The following HAPLN1 variants were observed in gnomAD, a reference collection of about 807,000 sequenced individuals.
HAPLN1 encodes hyaluronan and proteoglycan link protein 1.
HAPLN1 carries 13 observed loss-of-function variants against 36.5 expected under a neutral mutation model. The observed-to-expected ratio is 0.36, with a 90% confidence interval of 0.23 to 0.57. The LOEUF (loss-of-function observed/expected upper bound fraction) is 0.57. Ranked by LOEUF, HAPLN1 falls within the 20% of genes least tolerant of loss-of-function variation. The probability of loss-of-function intolerance (pLI) is 0.83; values close to 1 mark genes in which losing one functional copy is unlikely to be tolerated. For missense variants in HAPLN1, 407 were observed against 439.7 expected (o/e 0.93, Z 0.66); for synonymous variants, 202 against 169.8 (o/e 1.19, Z -1.48).
At chr5:83,700,539 G>A (rs904003615) in intron 1 of HAPLN1, among the ~76,000 whole-genome samples, 4 of 151,888 alleles carry the variant, frequency 2.6e-5, no homozygotes, top group Non-Finnish European at 5.9e-5. Flanking sequence ...AGAAAAAATT[G>A]CCAAGAATAC....
chr5:83,642,627 T>C (rs895814833), intron 4 of HAPLN1, among the ~76,000 whole-genome samples: 1 of 152,182 alleles, frequency 6.6e-6, no homozygotes, highest in Non-Finnish European at 1.5e-5. Flanking sequence ...CATCTTAGTT[T>C]TAGGTCGAAT....
chr5:83,695,211 T>C (rs1182876125), intron 1 of HAPLN1, among the ~76,000 whole-genome samples: 1 of 152,130 alleles, frequency 6.6e-6, no homozygotes, highest in Admixed American at 6.5e-5. Context: ...CTGCAACTTC[T>C]GCCTCCTGGG....
chr5:83,685,578 T>C (rs1350981525), intron 1 of HAPLN1, among the ~76,000 whole-genome samples: 1 of 152,236 alleles, frequency 6.6e-6, no homozygotes, highest in Non-Finnish European at 1.5e-5. Context: ...CCCGTGCTAA[T>C]GTTACAAAAG....
intron 2 of HAPLN1, among the ~76,000 whole-genome samples, chr5:83,672,093 G>A (rs986683578): frequency 3.3e-5 from 5 of 152,050 alleles, no homozygotes; most frequent in Non-Finnish European, 5.9e-5. Context: ...TCATTAAATG[G>A]TTTGTACACA....
chr5:83,651,378 G>C (rs1054034496), intron 3 of HAPLN1, among the ~76,000 whole-genome samples: 1 of 152,028 alleles, frequency 6.6e-6, no homozygotes, highest in East Asian at 1.9e-4. Context: ...CTTCCATCCT[G>C]AATAATGCCA....
intron 3 of HAPLN1, chr5:83,652,141 A>G (rs1750080777): frequency 2.9e-6 from 1 of 345,712 alleles, no homozygotes; most frequent in African/African-American, 2.1e-5. Context: ...TGAATTTCTC[A>G]ATAACCATAT....
chr5:83,641,390 A>C lies in HAPLN1; in HGVS notation c.*106T>G. 1 of 1,009,456 alleles carries C rather than the reference A, an allele frequency of 9.9e-7. No homozygotes were observed. Among genetic ancestry groups the C allele is most frequent in the Non-Finnish European group, 1.4e-6 (1 of 697,160 alleles). The allele number at this position is 1,009,456 out of a possible 1,614,324, so 62.5% of individuals were successfully genotyped here. On this transcript the variant is annotated 3_prime_UTR_variant, in exon 5 of 5. Coordinates refer to ENST00000274341, the MANE Select transcript of HAPLN1 (RefSeq NM_001884.4). ...AAATGACTCTTTACAGTAAGTAAAA[A>C]AGGGTTATCACAGTTTTGGTAACTT...
chr5:83,676,567 G>C (rs1490074795), intron 1 of HAPLN1, among the ~76,000 whole-genome samples: 1 of 152,218 alleles, frequency 6.6e-6, no homozygotes, highest in African/African-American at 2.4e-5. Context: ...ACGGGTCTAA[G>C]TGCTGGTCCC....
intron 2 of HAPLN1, among the ~76,000 whole-genome samples, chr5:83,671,685 G>C (rs1389349775): frequency 6.6e-6 from 1 of 152,114 alleles, no homozygotes; most frequent in East Asian, 1.9e-4. Flanking sequence ...AATGAGAACA[G>C]GTATTTCATT....
Position 83,652,605 on chromosome 5 carries a change from C to G in HAPLN1, c.320G>C (p.Gly107Ala). 1 of 1,614,178 alleles carries G rather than the reference C, an allele frequency of 6.2e-7. No homozygotes were observed. The highest frequency in any genetic ancestry group is 8.5e-7 in the Non-Finnish European group (1 of 1,180,016). Reference protein sequence around the residue: ...SMGYHKKTYGGYQGRVFLKGG... With the variant: ...SMGYHKKTYGAYQGRVFLKGG... The stretch of plus-strand genomic sequence containing the variant: ...CTTCAGAAACACTCTACCCTGGTAG[C>G]CTCCATAGGTTTTTTTGTGGTATCC... The change falls in exon 3 of 5, where the codon GGC becomes GCC. Residue 107 changes from glycine to alanine, a missense_variant. Coordinates refer to ENST00000274341, the MANE Select transcript of HAPLN1 (RefSeq NM_001884.4).
chr5:83,652,679 G>C lies in HAPLN1; in HGVS notation c.246C>G (p.Thr82=). The change falls in exon 3 of 5, where the codon ACC becomes ACG. Residue 82 remains threonine, a synonymous_variant. Transcript: ENST00000274341. ...SGIHKIRIKW[T]KLTSDYLKEV... ...CCTTGAGGTAATCCGAAGTTAGCTT[G>C]GTCCACTTAATTCGGATTTTATGGA... 6.2e-7 allele frequency: 1 copy of C among 1,614,044 alleles called. No individual in the cohort carries two copies. The highest frequency in any genetic ancestry group is 8.5e-7 in the Non-Finnish European group (1 of 1,180,000).
chr5:83,711,341 G>A (rs1393569292), intron 1 of HAPLN1, among the ~76,000 whole-genome samples: 1 of 152,230 alleles, frequency 6.6e-6, no homozygotes, highest in Non-Finnish European at 1.5e-5. Flanking sequence ...AAGTTCTAAA[G>A]TTGTCCCATT....
chr5:83,679,364 A>C (rs1750941378), intron 1 of HAPLN1, among the ~76,000 whole-genome samples: 1 of 152,202 alleles, frequency 6.6e-6, no homozygotes, highest in Non-Finnish European at 1.5e-5. Context: ...CAGAACCTGC[A>C]TTCTTAAATT....
chr5:83,701,697 G>A (rs576977169), intron 1 of HAPLN1, among the ~76,000 whole-genome samples: 23 of 152,188 alleles, frequency 1.5e-4, no homozygotes, highest in Non-Finnish European at 3.4e-4. Context: ...CAGCACTTTG[G>A]GAGGCCGAGG....
At chr5:83,692,777 G>T (rs1020608313) in intron 1 of HAPLN1, among the ~76,000 whole-genome samples, 8 of 151,818 alleles carry the variant, frequency 5.3e-5, no homozygotes, top group Non-Finnish European at 1.2e-4. Context: ...AGGTAAAAAT[G>T]ATATGAATGT....
chr5:83,644,539 C>T lies in HAPLN1; in HGVS notation c.599G>A (p.Gly200Asp), dbSNP rs1338707492. Residue 200 changes from glycine (G) to aspartate (D), a missense_variant, in exon 4 of 5, where the codon GGC (glycine) becomes GAC (aspartate). By Grantham distance (94) the Gly-to-Asp change is moderately conservative (BLOSUM62 -1). Coordinates refer to ENST00000274341, the MANE Select transcript of HAPLN1 (RefSeq NM_001884.4). ...SFDQLYDAWR[G>D]GLDWCNAGWL... ...GCCGGCATTGCACCAGTCCAGCCCGCCCCGCCAGGCGTCGTACAGCTGGTC... is the reference window on the plus strand; with the variant it reads ...GCCGGCATTGCACCAGTCCAGCCCGTCCCGCCAGGCGTCGTACAGCTGGTC... 3 of 1,609,676 alleles carry T rather than the reference C, an allele frequency of 1.9e-6. No individual in the cohort carries two copies. Among genetic ancestry groups the T allele is most frequent in the African/African-American group, 1.3e-5 (1 of 74,738 alleles).
intron 2 of HAPLN1, among the ~76,000 whole-genome samples, chr5:83,657,199 C>G (rs891710789): frequency 2.0e-5 from 3 of 151,770 alleles, no homozygotes; most frequent in African/African-American, 7.3e-5. Flanking sequence ...GGGTTCAAGC[C>G]ATTCTCCTGC....
chr5:83,665,691 T>G (rs1012459283), intron 2 of HAPLN1, among the ~76,000 whole-genome samples: 1 of 152,222 alleles, frequency 6.6e-6, no homozygotes, highest in Non-Finnish European at 1.5e-5. Context: ...CTTTCTGGGT[T>G]TTCTAAATCC....
intron 2 of HAPLN1, among the ~76,000 whole-genome samples, chr5:83,664,764 G>A (rs1750509001): frequency 6.6e-6 from 1 of 152,010 alleles, no homozygotes; most frequent in Non-Finnish European, 1.5e-5. Flanking sequence ...CAAATAATGA[G>A]TTATAAGAAA....
Sources: allele counts gnomAD v4.1 joint callset (sites outside exome capture counted in the v4.1 genomes callset), GRCh38; gene constraint gnomAD v4.1.1; transcripts MANE v1.5; gene names NCBI Gene and HGNC (gene_info 2026-07-23, HGNC 2026-07-21).